The following KHDRBS2 variants were observed in gnomAD, a reference collection of about 807,000 sequenced individuals.
The protein encoded by KHDRBS2 is KH domain-containing, RNA-binding, signal transduction-associated protein 2.
A neutral mutation model predicts 44.3 loss-of-function variants in KHDRBS2; 26 were observed. That is an observed-to-expected ratio of 0.59 (90% CI 0.43 to 0.81). KHDRBS2 has a LOEUF of 0.81. Ranked by LOEUF, KHDRBS2 falls within the 40% of genes least tolerant of loss-of-function variation. The probability of loss-of-function intolerance (pLI) is 0.00; values close to 1 mark genes in which losing one functional copy is unlikely to be tolerated. For missense variants in KHDRBS2, 476 were observed against 433.1 expected (o/e 1.10, Z -0.88); for synonymous variants, 194 against 151.1 (o/e 1.28, Z -2.08).
chr6:61,642,237 G>A, the KHDRBS2 span, among the ~76,000 whole-genome samples: 1 of 151,892 alleles, frequency 6.6e-6, no homozygotes, highest in African/African-American at 2.4e-5. Context: ...CTGGAAGATA[G>A]GTCATTCACT....
At chr6:61,887,704 G>A (rs1441139274) in intron 6 of KHDRBS2, among the ~76,000 whole-genome samples, 1 of 152,154 alleles carries the variant, frequency 6.6e-6, no homozygotes, top group Admixed American at 6.5e-5. Flanking sequence ...TATAATAAAA[G>A]GAAGCTTTAC....
chr6:62,229,306 C>A (rs1325977652), intron 1 of KHDRBS2, among the ~76,000 whole-genome samples: 2 of 152,098 alleles, frequency 1.3e-5, no homozygotes, highest in African/African-American at 4.8e-5. Flanking sequence ...ACGGCTCCTG[C>A]GTTGAGCTGT....
intron 1 of KHDRBS2, among the ~76,000 whole-genome samples, chr6:62,197,817 A>C (rs1450910614): frequency 2.0e-5 from 3 of 152,116 alleles, no homozygotes; most frequent in Non-Finnish European, 4.4e-5. Flanking sequence ...CCTATTCCAA[A>C]ATTGACCACA....
At chr6:61,764,960 G>GTTACA (rs150864980) in intron 6 of KHDRBS2, among the ~76,000 whole-genome samples, 58,905 of 151,524 alleles carry the variant, frequency 0.39, 11,646 homozygotes, top group East Asian at 0.48. Flanking sequence ...AAACTTAATA[G>GTTACA]TTAAATTAAA....
chr6:61,816,970 C>T, intron 6 of KHDRBS2: 1 of 455,636 alleles, frequency 2.2e-6, no homozygotes, highest in African/African-American at 2.0e-5. Context: ...GAGATTTTGC[C>T]ACCGTATCAA....
At chr6:61,818,145 A>G (rs1789277015) in intron 6 of KHDRBS2, among the ~76,000 whole-genome samples, 1 of 151,972 alleles carries the variant, frequency 6.6e-6, no homozygotes, top group Non-Finnish European at 1.5e-5. Context: ...GATAAGTAAG[A>G]TGCAACTCTA....
intron 6 of KHDRBS2, among the ~76,000 whole-genome samples, chr6:61,838,811 C>A (rs920899419): frequency 1.3e-5 from 2 of 152,052 alleles, no homozygotes; most frequent in African/African-American, 4.8e-5. Context: ...AATTCACTTT[C>A]TATGCCAAAA....
At chr6:61,719,959 T>A (rs1187016602) in intron 7 of KHDRBS2, among the ~76,000 whole-genome samples, 1 of 152,040 alleles carries the variant, frequency 6.6e-6, no homozygotes, top group Non-Finnish European at 1.5e-5. Context: ...CCCCAGAGTG[T>A]GATGTTCCCC....
At chr6:61,972,181 G>A (rs1030760626) in intron 4 of KHDRBS2, among the ~76,000 whole-genome samples, 4 of 152,146 alleles carry the variant, frequency 2.6e-5, no homozygotes, top group African/African-American at 9.7e-5. Flanking sequence ...TATGCCAACT[G>A]CTTCTTTTAT....
At chr6:61,630,376 C>G in the KHDRBS2 span, 1 of 151,438 alleles carries the variant, frequency 6.6e-6, no homozygotes. Context: ...AGGTGAATGG[C>G]TGCATTTTGG....
intron 2 of KHDRBS2, among the ~76,000 whole-genome samples, chr6:62,111,159 T>C (rs1319689865): frequency 6.6e-6 from 1 of 152,140 alleles, no homozygotes; most frequent in Non-Finnish European, 1.5e-5. Context: ...GTGTCTTTTA[T>C]AAGCTAAGGT....
intron 3 of KHDRBS2, among the ~76,000 whole-genome samples, chr6:62,043,827 C>T (rs917357092): frequency 1.3e-5 from 2 of 151,872 alleles, no homozygotes; most frequent in Non-Finnish European, 1.5e-5. Context: ...CTTAATACTT[C>T]GTATTTTCTT....
intron 7 of KHDRBS2, among the ~76,000 whole-genome samples, chr6:61,724,267 G>A (rs770393576): frequency 6.6e-6 from 1 of 152,086 alleles, no homozygotes; most frequent in Non-Finnish European, 1.5e-5. Context: ...AGCAAATGTG[G>A]AGGGAATTTG....
chr6:62,252,596 G>A (rs1024232479), intron 1 of KHDRBS2, among the ~76,000 whole-genome samples: 6 of 151,876 alleles, frequency 4.0e-5, no homozygotes, highest in African/African-American at 1.4e-4. Flanking sequence ...CTCTGGATGA[G>A]TCAGCTCAAT....
intron 3 of KHDRBS2, among the ~76,000 whole-genome samples, chr6:62,015,647 C>T (rs4710333): frequency 0.61 from 93,064 of 151,890 alleles, 28,732 homozygotes; most frequent in Non-Finnish European, 0.62. Flanking sequence ...CCTCTAGTTT[C>T]ATGGTTAGAT....
At chr6:61,955,464 G>A (rs368338051) in intron 4 of KHDRBS2, among the ~76,000 whole-genome samples, 4 of 30,032 alleles carry the variant, frequency 1.3e-4, no homozygotes, top group African/African-American at 3.8e-4. Context: ...ATATACATAT[G>A]TGTATATATA....
chr6:62,033,072 T>C (rs189110423), intron 3 of KHDRBS2, among the ~76,000 whole-genome samples: 7 of 152,010 alleles, frequency 4.6e-5, no homozygotes, highest in African/African-American at 1.2e-4. Context: ...GTAACTGGCA[T>C]ACTAAAGAAT....
intron 6 of KHDRBS2, among the ~76,000 whole-genome samples, chr6:61,768,667 T>G (rs573590581): frequency 6.6e-6 from 1 of 152,052 alleles, no homozygotes; most frequent in East Asian, 1.9e-4. Context: ...TTTTTCAGTG[T>G]GTCAATTGCA....
intron 6 of KHDRBS2, among the ~76,000 whole-genome samples, chr6:61,759,409 A>C (rs1778951835): frequency 6.6e-6 from 1 of 152,172 alleles, no homozygotes; most frequent in Non-Finnish European, 1.5e-5. Flanking sequence ...TACATTTCTA[A>C]ATGTATTTAA....
Sources: gnomAD v4.1 joint callset for allele counts (sites outside exome capture counted in the v4.1 genomes callset) on GRCh38, gnomAD v4.1.1 for gene constraint, MANE v1.5 for transcripts, NCBI Gene and HGNC (gene_info 2026-07-23, HGNC 2026-07-21) for gene names.